The following KLHL13 variants were observed in gnomAD, a reference collection of about 807,000 sequenced individuals.
KLHL13 encodes kelch like family member 13, also known as kelch-like protein 13.
KLHL13 carries 10 observed loss-of-function variants against 37.1 expected under a neutral mutation model. The observed-to-expected ratio is 0.27, with a 90% CI of 0.17 to 0.46. KLHL13 has a LOEUF of 0.46. KLHL13 is among the 20% of genes least tolerant of loss of function. The pLI is 1.00. For synonymous variants in KLHL13, 163 were observed against 181.2 expected (o/e 0.90, Z 0.81); for missense variants, 360 against 509.3 (o/e 0.71, Z 2.82).
intron 1 of KLHL13, among the ~76,000 whole-genome samples, chrX:118,067,909 C>G (rs1018795481): frequency 1.9e-4 from 21 of 111,746 alleles, no homozygotes. Context: ...AATATATAAA[C>G]CAGTAACACA....
At chrX:118,017,810 T>A (rs180694886) in intron 1 of KLHL13, among the ~76,000 whole-genome samples, 2 of 111,685 alleles carry the variant, frequency 1.8e-5, no homozygotes, top group African/African-American at 6.5e-5. Context: ...GATTGTACAG[T>A]GTTTGGCACT....
intron 1 of KLHL13, among the ~76,000 whole-genome samples, chrX:118,090,262 A>G (rs1027887119): frequency 9.0e-6 from 1 of 111,137 alleles, no homozygotes; most frequent in African/African-American, 3.3e-5. Flanking sequence ...CCAAAAGCCA[A>G]AATTGACAAA....
chrX:117,920,634 C>T (rs1236612270), intron 2 of KLHL13, among the ~76,000 whole-genome samples: 3 of 112,093 alleles, frequency 2.7e-5, no homozygotes, highest in Non-Finnish European at 5.6e-5. Context: ...TGCTTATTTA[C>T]ACAATTATCA....
intron 1 of KLHL13, among the ~76,000 whole-genome samples, chrX:118,095,473 A>G (rs917164716): frequency 9.0e-6 from 1 of 111,369 alleles, no homozygotes; most frequent in Non-Finnish European, 1.9e-5. Flanking sequence ...TCAACATTAG[A>G]CAGATTAACG....
At position 118,023,271 on chromosome X, in the gene KLHL13, T is replaced by C. The variant is rs373798151; in HGVS notation, c.-55-77696A>G. Among the ~76,000 whole-genome samples the C allele has an allele frequency of 2.7e-5, 3 of 111,749 alleles. No homozygotes were observed. The East Asian group carries it at 8.4e-4, about 31-fold the overall frequency. On this transcript the variant is annotated intron_variant, in intron 1 of 6. Coordinates refer to the KLHL13 transcript ENST00000371882. The stretch of plus-strand genomic sequence containing the variant: ...TTATTGCTGCTTAAGGAACAACTCT[T>C]ACATATTACCATTAAGTGTGATGCT...
chrX:117,906,476 G>T (rs1459638614), intron 5 of KLHL13, among the ~76,000 whole-genome samples: 1 of 111,289 alleles, frequency 9.0e-6, no homozygotes, highest in Non-Finnish European at 1.9e-5. Flanking sequence ...GACGTGACAA[G>T]ACAATCTACT....
rs892776161 is a variant in KLHL13, at chrX:117,930,269, G to C, written c.241-9899C>G. ...GGAAGGAAGGAAGGAAGGAAGGAAG[G>C]AAGGAAGGAAGGAAGGAAGGAAGGC... On this transcript the variant is annotated intron_variant, in intron 2 of 6. Transcript: ENST00000262820. 1.9e-3 allele frequency among the ~76,000 whole-genome samples: 184 copies of C among 97,003 alleles called. 1 individual carries two copies. Among genetic ancestry groups the C allele is most frequent in the Non-Finnish European group, 3.3e-3 (159 of 48,514 alleles). 84.2% of individuals were successfully genotyped at this position (97,003 alleles called of 115,157 possible).
intron 1 of KLHL13, among the ~76,000 whole-genome samples, chrX:118,110,442 G>A (rs919451161): frequency 2.0e-4 from 19 of 95,546 alleles, no homozygotes; most frequent in Non-Finnish European, 3.4e-4. Flanking sequence ...GCAGTGGCAC[G>A]ATCTTGGCTC....
intron 1 of KLHL13, among the ~76,000 whole-genome samples, chrX:118,095,996 C>A (rs1438101066): frequency 1.8e-5 from 2 of 111,697 alleles, no homozygotes; most frequent in African/African-American, 6.5e-5. Context: ...AAAATTGAAA[C>A]CCTAACATCA....
intron 1 of KLHL13, among the ~76,000 whole-genome samples, chrX:118,079,908 G>C (rs910753407): frequency 9.0e-6 from 1 of 111,473 alleles, no homozygotes; most frequent in East Asian, 2.8e-4. Context: ...AACCAAAATA[G>C]CATAGTACTG....
At chrX:118,037,859 A>G (rs193299542) in intron 1 of KLHL13, among the ~76,000 whole-genome samples, 2 of 111,958 alleles carry the variant, frequency 1.8e-5, no homozygotes, top group Non-Finnish European at 3.8e-5. Context: ...AAGAACTGAG[A>G]TAAGAGCCCA....
intron 2 of KLHL13, among the ~76,000 whole-genome samples, chrX:117,940,314 T>C (rs952004861): frequency 1.8e-5 from 2 of 111,876 alleles, no homozygotes; most frequent in Non-Finnish European, 3.8e-5. Context: ...TCTGTTTTGG[T>C]ACCAGTACCA....
intron 1 of KLHL13, among the ~76,000 whole-genome samples, chrX:118,094,370 T>C (rs1376182848): frequency 9.0e-6 from 1 of 110,638 alleles, no homozygotes; most frequent in Non-Finnish European, 1.9e-5. Context: ...AACAAAGCCT[T>C]CAAGAAATAT....
chrX:117,908,434 C>T (rs759701668), intron 5 of KLHL13, among the ~76,000 whole-genome samples: 3 of 108,624 alleles, frequency 2.8e-5, no homozygotes, highest in Admixed American at 1.0e-4. Context: ...TGATGTTCCC[C>T]TCCCTGTGAC....
chrX:117,975,861 G>A (rs1458884758), upstream of KLHL13, among the ~76,000 whole-genome samples: 1 of 111,813 alleles, frequency 8.9e-6, no homozygotes, highest in African/African-American at 3.3e-5. Flanking sequence ...CCACAAACAA[G>A]TGAAGATCAT....
At chrX:117,933,694 C>A (rs1472648222) in intron 2 of KLHL13, among the ~76,000 whole-genome samples, 1 of 110,883 alleles carries the variant, frequency 9.0e-6, no homozygotes, top group Non-Finnish European at 1.9e-5. Context: ...AGCAAAGTAG[C>A]ATCTCTTTTA....
At chrX:117,901,869 C>T (rs1403607566) in exon 6 of KLHL13, 1 of 1,192,363 alleles carries the variant, frequency 8.4e-7, no homozygotes. Flanking sequence ...ACAGTTCCAG[C>T]ATGGCCATAG....
intron 1 of KLHL13, among the ~76,000 whole-genome samples, chrX:118,019,119 T>A (rs909103678): frequency 6.3e-5 from 7 of 111,205 alleles, no homozygotes; most frequent in Admixed American, 9.7e-5. Context: ...CATTATTAAC[T>A]ATTGTCCTCA....
intron 1 of KLHL13, among the ~76,000 whole-genome samples, chrX:117,966,673 C>G (rs1395549242): frequency 1.8e-5 from 2 of 111,130 alleles, no homozygotes; most frequent in African/African-American, 6.5e-5. Context: ...TACAAGGCTA[C>G]AGTAACCAAA....
Sources: gnomAD v4.1 joint callset for allele counts (sites outside exome capture counted in the v4.1 genomes callset) on GRCh38, gnomAD v4.1.1 for gene constraint, MANE v1.5 for transcripts, NCBI Gene and HGNC (gene_info 2026-07-23, HGNC 2026-07-21) for gene names.